Variants in RNASE11 observed in about 807,000 individuals in gnomAD.
RNASE11 encodes ribonuclease A family member 11 (inactive), also known as putative inactive ribonuclease 11.
For missense variants in RNASE11, 252 were observed against 237.8 expected, an observed-to-expected ratio of 1.06 and a Z score of -0.39; for synonymous variants, 105 against 86.1, an observed-to-expected ratio of 1.22 and a Z score of -1.21.
chr14:20,584,130 C>T, exon 2 of RNASE11: 1 of 1,614,220 alleles, frequency 6.2e-7, no homozygotes, highest in Non-Finnish European at 8.5e-7. Flanking sequence ...TATTGCTCCA[C>T]TTGCACGATC....
At chr14:20,585,765 C>T (rs771539913) in intron 1 of RNASE11, among the ~76,000 whole-genome samples, 7 of 152,194 alleles carry the variant, frequency 4.6e-5, no homozygotes, top group Non-Finnish European at 7.3e-5. Flanking sequence ...TTACTGCACA[C>T]ACACTAATTT....
upstream of RNASE11, chr14:20,590,088 A>G (rs748480684): frequency 3.0e-5 from 33 of 1,118,192 alleles, no homozygotes; most frequent in Non-Finnish European, 4.1e-5. Flanking sequence ...GGTTTAATTC[A>G]GTAAAGATTA....
rs149732799 is a variant in RNASE11, at chr14:20,586,522, T to C, written c.-23+1041A>G. 4.0e-4 allele frequency among the ~76,000 whole-genome samples: 61 copies of C among 152,338 alleles called. 1 individual carries two copies. In the East Asian group the frequency reaches 0.01, roughly 25 times the overall value. The stretch of plus-strand genomic sequence containing the variant: ...AGCACCAAGAATACATAAGCCTTAA[T>C]TGGGTTGATGGATTATTGATAGATT... On this transcript the variant is annotated intron_variant, in intron 1 of 1. Transcript: ENST00000553849.
downstream of RNASE11, chr14:20,582,990 G>A (rs1243599): frequency 2.0e-5 from 3 of 152,042 alleles, no homozygotes; most frequent in Non-Finnish European, 4.4e-5. Flanking sequence ...GAAACATATG[G>A]CCACACATCG....
chr14:20,586,206 T>A (rs1412740415), intron 1 of RNASE11, among the ~76,000 whole-genome samples: 3 of 152,224 alleles, frequency 2.0e-5, no homozygotes, highest in African/African-American at 7.2e-5. Flanking sequence ...CCTGCCCTAG[T>A]CAATCAGTGT....
At chr14:20,589,852 A>AT, upstream of RNASE11, among the ~76,000 whole-genome samples, 1 of 152,220 alleles carries the variant, frequency 6.6e-6, no homozygotes, top group Admixed American at 6.5e-5. Context: ...GTGCCATTGC[A>AT]CCCCAGCCTG....
At chr14:20,588,073 A>G (rs79884365), upstream of RNASE11, 8,103 of 153,528 alleles carry the variant, frequency 0.053, 288 homozygotes, top group Non-Finnish European at 0.072. Flanking sequence ...TTATTTGCCA[A>G]TTGCCCCTTA....
upstream of RNASE11, chr14:20,587,781 A>G (rs975654476): frequency 2.8e-5 from 28 of 985,388 alleles, no homozygotes; most frequent in Non-Finnish European, 3.3e-5. Context: ...TTATCCCCCA[A>G]CGCCCCCTCC....
chr14:20,585,148 A>T lies in RNASE11; in HGVS notation c.-22-652T>A, dbSNP rs1030160337. ...GTGTCTAACTGAGGGAAGGAGGGGC[A>T]ACAGAGGGGTAGATAGGGTTGTATG... On this transcript the variant is annotated intron_variant, in intron 1 of 1. Coordinates refer to ENST00000553849, the Ensembl canonical transcript of RNASE11. The T allele has an allele frequency of 6.4e-5, 58 of 903,886 alleles. No homozygotes were observed. The African/African-American group carries it at 1.0e-3, about 16-fold the overall frequency. The allele number at this position is 903,886 out of a possible 1,614,324, so 56.0% of individuals were successfully genotyped here. A position where few individuals can be genotyped will look rare whatever the true frequency, so the allele number is the denominator to read the frequency against.
At chr14:20,587,857 C>G (rs1884469089), upstream of RNASE11, 105 of 985,146 alleles carry the variant, frequency 1.1e-4, no homozygotes, top group Non-Finnish European at 1.3e-4. Context: ...AGCGTAAGTG[C>G]ACCTTCTTCT....
intron 1 of RNASE11, 39 bp from the exon 3 acceptor site, chr14:20,584,535 A>G: frequency 6.7e-7 from 1 of 1,487,018 alleles, no homozygotes; most frequent in South Asian, 1.4e-5. Context: ...AAATAAGAAG[A>G]TTAAAGAGGT....
At chr14:20,588,684 C>T (rs1338030425), upstream of RNASE11, among the ~76,000 whole-genome samples, 2 of 152,156 alleles carry the variant, frequency 1.3e-5, no homozygotes, top group East Asian at 1.9e-4. Flanking sequence ...TAGGATTAGG[C>T]TGAGGTTAAT....
At chr14:20,586,845 G>A (rs1884444454) in intron 1 of RNASE11, among the ~76,000 whole-genome samples, 1 of 152,272 alleles carries the variant, frequency 6.6e-6, no homozygotes, top group South Asian at 2.1e-4. Context: ...CTGCTAAGAG[G>A]TGCCCTTTAA....
At chr14:20,583,445 G>C (rs1223646734), downstream of RNASE11, 1 of 171,586 alleles carries the variant, frequency 5.8e-6, no homozygotes, top group African/African-American at 2.4e-5. Context: ...CATACCCTTT[G>C]AAGAGAGTAG....
At chr14:20,585,434 T>C (rs925814984) in intron 1 of RNASE11, among the ~76,000 whole-genome samples, 2 of 152,234 alleles carry the variant, frequency 1.3e-5, no homozygotes, top group African/African-American at 4.8e-5. Flanking sequence ...TTTCTCCCTC[T>C]TGTTAGGCTA....
At chr14:20,583,928 C>A in exon 2 of RNASE11, 1 of 1,614,052 alleles carries the variant, frequency 6.2e-7, no homozygotes, top group Non-Finnish European at 8.5e-7. Context: ...CCTGTCAGCA[C>A]TGTCAATATC....
exon 2 of RNASE11, chr14:20,583,635 C>T (rs1174279996): frequency 8.5e-6 from 3 of 354,976 alleles, no homozygotes; most frequent in South Asian, 1.1e-4. Context: ...TGTTTTACAC[C>T]CTCCCCACCC....
chr14:20,587,478 A>T (rs1884460500), intron 1 of RNASE11, 85 bp downstream of exon 2: 1 of 558,486 alleles, frequency 1.8e-6, no homozygotes, highest in Non-Finnish European at 2.3e-6. Flanking sequence ...TAGGAACCTA[A>T]AGGATGCATT....
At chr14:20,590,150 A>C, upstream of RNASE11, 1 of 1,475,006 alleles carries the variant, frequency 6.8e-7, no homozygotes, top group Non-Finnish European at 9.0e-7. Context: ...AGGAAGGATA[A>C]ATTAATTACC....
Sources: gnomAD v4.1 joint callset for allele counts (sites outside exome capture counted in the v4.1 genomes callset) on GRCh38, gnomAD v4.1.1 for gene constraint, MANE v1.5 for transcripts, NCBI Gene and HGNC (gene_info 2026-07-23, HGNC 2026-07-21) for gene names.